The following PAK3 variants were observed in gnomAD, a reference collection of about 807,000 sequenced individuals.
PAK3 encodes serine/threonine-protein kinase PAK 3.
In PAK3, 4 loss-of-function variants were observed where a neutral mutation model predicts 41.0. That is an observed-to-expected ratio of 0.10 (90% confidence interval 0.05 to 0.22). The LOEUF is 0.22. Ranked by LOEUF, PAK3 falls within the 10% of genes least tolerant of loss-of-function variation. The pLI is 1.00. For missense variants in PAK3, 205 were observed against 409.9 expected (o/e 0.50, Z 4.32); for synonymous variants, 146 against 139.6 (o/e 1.05, Z -0.32).
chrX:110,978,667 TTTC>T (rs2091386105), intron 1 of PAK3, among the ~76,000 whole-genome samples: 1 of 111,039 alleles, frequency 9.0e-6, no homozygotes, highest in African/African-American at 3.3e-5. Flanking sequence ...TCTTTCTTCC[TTTC>T]TTCTTTCTTT....
intron 1 of PAK3, among the ~76,000 whole-genome samples, chrX:111,010,907 A>G (rs763814893): frequency 8.9e-6 from 1 of 112,209 alleles, no homozygotes; most frequent in African/African-American, 3.2e-5. Flanking sequence ...CAGCACTGGA[A>G]AAATCCTCCA....
chrX:111,035,578 T>C (rs948697922), intron 1 of PAK3, among the ~76,000 whole-genome samples: 1 of 111,925 alleles, frequency 8.9e-6, no homozygotes, highest in Non-Finnish European at 1.9e-5. Context: ...CATTATTAGC[T>C]GGATGTTTCC....
chrX:111,095,150 A>G (rs1489780648), upstream of PAK3, among the ~76,000 whole-genome samples: 1 of 111,629 alleles, frequency 9.0e-6, no homozygotes, highest in Non-Finnish European at 1.9e-5. Flanking sequence ...AAGGGTCATG[A>G]TCTATTTTGG....
chrX:110,945,143 A>G (rs2090588079), intron 1 of PAK3, among the ~76,000 whole-genome samples: 1 of 112,169 alleles, frequency 8.9e-6, no homozygotes, highest in African/African-American at 3.2e-5. Flanking sequence ...GTATGTGACT[A>G]CACACAGGAA....
At chrX:111,045,649 G>A (rs1479131652) in intron 1 of PAK3, among the ~76,000 whole-genome samples, 2 of 111,968 alleles carry the variant, frequency 1.8e-5, no homozygotes, top group African/African-American at 6.5e-5. Context: ...AGTAAAGGAT[G>A]CATGTCTTGC....
At chrX:111,200,988 C>A (rs749406407) in intron 16 of PAK3, among the ~76,000 whole-genome samples, 1 of 112,059 alleles carries the variant, frequency 8.9e-6, no homozygotes, top group East Asian at 2.8e-4. Flanking sequence ...TAGATGCCAC[C>A]GCCTGATATC....
Position 110,948,883 on chromosome X carries a change from G to A in PAK3, c.-28+4255G>A, listed in dbSNP as rs755104753. ...CTGTAAAGCCAGAGTGAAGTTATTCGCTGTTCTGGAGTACATAGTGGAGAT... is the reference window on the plus strand; with the variant it reads ...CTGTAAAGCCAGAGTGAAGTTATTCACTGTTCTGGAGTACATAGTGGAGAT... On this transcript the variant is annotated intron_variant, in intron 1 of 14. Transcript: ENST00000425146. 7.4e-4 allele frequency among the ~76,000 whole-genome samples: 83 copies of A among 112,408 alleles called. 1 individual carries two copies. The highest frequency in any genetic ancestry group is 2.5e-3 in the African/African-American group (76 of 30,964).
chrX:111,105,670 A>G (rs973051008), intron 4 of PAK3, among the ~76,000 whole-genome samples: 3 of 111,929 alleles, frequency 2.7e-5, no homozygotes, highest in Non-Finnish European at 5.6e-5. Flanking sequence ...TACTCCTGAT[A>G]CATTCACACA....
At position 111,027,649 on chromosome X, in the gene PAK3, A is replaced by G. The variant is rs141311234; in HGVS notation, c.-28+83021A>G. On this transcript the variant is annotated intron_variant, in intron 1 of 14. Transcript: ENST00000425146. ...CCTCACTCCTGCAAGAATGGCCATA[A>G]TAAAAAATAAAGAAATAATAGATGC... Among the ~76,000 whole-genome samples, 752 of 111,705 alleles carry G rather than the reference A, an allele frequency of 6.7e-3. 2 individuals are homozygous for G. The highest frequency in any genetic ancestry group is 0.028 in the South Asian group (75 of 2,641).
At chrX:111,026,535 G>A (rs1014185871) in intron 1 of PAK3, among the ~76,000 whole-genome samples, 3 of 110,930 alleles carry the variant, frequency 2.7e-5, no homozygotes, top group African/African-American at 9.8e-5. Flanking sequence ...ATCAAATAAA[G>A]AACTCAACCC....
At chrX:111,190,482 A>G (rs751149522) in intron 11 of PAK3, among the ~76,000 whole-genome samples, 2 of 112,134 alleles carry the variant, frequency 1.8e-5, no homozygotes, top group Admixed American at 9.5e-5. Context: ...TACTCAGTAC[A>G]TGTTTACTGT....
chrX:111,077,465 A>G (rs1412827144), intron 1 of PAK3, among the ~76,000 whole-genome samples: 3 of 111,941 alleles, frequency 2.7e-5, no homozygotes, highest in South Asian at 3.7e-4. Flanking sequence ...ATAGATATAT[A>G]GACCAATGGA....
chrX:111,008,892 G>A (rs2091971076), intron 1 of PAK3, among the ~76,000 whole-genome samples: 1 of 111,504 alleles, frequency 9.0e-6, no homozygotes, highest in South Asian at 3.9e-4. Flanking sequence ...GGGCAGCACT[G>A]AGAGGACAGG....
chrX:111,183,554 C>A (rs1001404443), intron 11 of PAK3, among the ~76,000 whole-genome samples: 1 of 111,265 alleles, frequency 9.0e-6, no homozygotes, highest in African/African-American at 3.3e-5. Context: ...TCTTCCTAGG[C>A]TCACTTCTTC....
chrX:111,189,521 C>T (rs769787370), intron 11 of PAK3, among the ~76,000 whole-genome samples: 2 of 111,841 alleles, frequency 1.8e-5, no homozygotes, highest in South Asian at 7.6e-4. Context: ...CAGCGGAAGA[C>T]CTAATTTACA....
intron 1 of PAK3, among the ~76,000 whole-genome samples, chrX:111,034,635 G>C (rs1286054961): frequency 1.8e-5 from 2 of 111,635 alleles, no homozygotes; most frequent in East Asian, 5.7e-4. Context: ...CATCCTGTCT[G>C]AGGTGCTGCA....
chrX:111,217,621 GAGAAACTGA>G (rs2094893168), intron 17 of PAK3: 1 of 959,127 alleles, frequency 1.0e-6, no homozygotes, highest in South Asian at 2.1e-5. Flanking sequence ...AACCTATTTG[GAGAAACTGA>G]AGAGACTACA....
In PAK3 at chrX:111,221,517, T is replaced by C. The variant is rs1023747420; in HGVS notation, c.*1070T>C. 1 of 112,453 alleles carries C rather than the reference T, an allele frequency of 8.9e-6. No individual in the cohort carries two copies. The highest frequency in any genetic ancestry group is 3.2e-5 in the African/African-American group (1 of 30,993). 9.3% of individuals were successfully genotyped at this position (112,453 alleles called of 1,213,427 possible). A position where few individuals can be genotyped will look rare whatever the true frequency, so the allele number is the denominator to read the frequency against. On this transcript the variant is annotated 3_prime_UTR_variant, in exon 18 of 18. Coordinates refer to ENST00000372007, the MANE Select transcript of PAK3 (RefSeq NM_002578.5). ...AATCCTCTCTTGTGCTTATGAAACATATGCACTGTAAAATAGGCATACCAG... is the reference window on the plus strand; with the variant it reads ...AATCCTCTCTTGTGCTTATGAAACACATGCACTGTAAAATAGGCATACCAG...
chrX:111,138,018 A>G (rs2093815657), intron 5 of PAK3, among the ~76,000 whole-genome samples: 1 of 110,658 alleles, frequency 9.0e-6, no homozygotes, highest in Non-Finnish European at 1.9e-5. Flanking sequence ...GTTTATTGCT[A>G]AACACTTACT....
Sources: allele counts gnomAD v4.1 joint callset (sites outside exome capture counted in the v4.1 genomes callset), GRCh38; gene constraint gnomAD v4.1.1; transcripts MANE v1.5; gene names NCBI Gene and HGNC (gene_info 2026-07-23, HGNC 2026-07-21).